Variants in MMP16 observed in about 807,000 individuals in gnomAD.
MMP16 encodes matrix metallopeptidase 16.
Under a neutral mutation model 67.8 loss-of-function variants are expected in MMP16, and 12 were observed. The ratio of observed to expected loss-of-function variants is 0.18; its 90% CI spans 0.11 to 0.29. The LOEUF is 0.29. Ranked by LOEUF, MMP16 falls within the 10% of genes least tolerant of loss-of-function variation. MMP16 has a pLI of 1.00. For missense variants in MMP16, 475 were observed against 765.7 expected (o/e 0.62, Z 4.48); for synonymous variants, 249 against 255.9 (o/e 0.97, Z 0.26).
At chr8:88,278,341 T>C (rs1214056638) in intron 1 of MMP16, among the ~76,000 whole-genome samples, 1 of 152,192 alleles carries the variant, frequency 6.6e-6, no homozygotes, top group Non-Finnish European at 1.5e-5. Context: ...AGTAATAAAC[T>C]GCTATACTGG....
intron 1 of MMP16, among the ~76,000 whole-genome samples, chr8:88,299,722 A>G (rs1283588048): frequency 6.6e-6 from 1 of 152,190 alleles, no homozygotes; most frequent in South Asian, 2.1e-4. Context: ...CATTTAGTCA[A>G]TTGTATCTCA....
At chr8:88,208,608 G>A (rs1218539881) in intron 1 of MMP16, among the ~76,000 whole-genome samples, 2 of 152,122 alleles carry the variant, frequency 1.3e-5, no homozygotes, top group East Asian at 1.9e-4. Context: ...GATTGCCAGT[G>A]CTATTGAACA....
chr8:88,139,692 TATA>T (rs769397499), intron 4 of MMP16, among the ~76,000 whole-genome samples: 8 of 152,222 alleles, frequency 5.3e-5, no homozygotes, highest in African/African-American at 1.2e-4. Flanking sequence ...ACTGAATAAA[TATA>T]ATGTTAATGT....
chr8:88,263,731 T>C (rs61160643), intron 1 of MMP16, among the ~76,000 whole-genome samples: 15,922 of 152,128 alleles, frequency 0.1, 1,007 homozygotes, highest in South Asian at 0.18. Flanking sequence ...AGGCTCACCC[T>C]AATCACTTAA....
intron 1 of MMP16, among the ~76,000 whole-genome samples, chr8:88,199,794 T>G (rs1428566985): frequency 1.3e-5 from 2 of 152,026 alleles, no homozygotes; most frequent in Non-Finnish European, 2.9e-5. Flanking sequence ...ATGTTTTTAT[T>G]TGAAGTATAT....
chr8:88,304,287 T>C (rs1422758676), intron 1 of MMP16, among the ~76,000 whole-genome samples: 3 of 152,134 alleles, frequency 2.0e-5, no homozygotes, highest in South Asian at 2.1e-4. Flanking sequence ...CTGAGAAATA[T>C]AGGATTATGT....
rs1159422405 is a variant in MMP16, at chr8:88,035,226, TTTAA to T, written c.*6231_*6234del. The stretch of plus-strand genomic sequence containing the variant: ...ACATAAGTATATTTCCGTATTTATA[TTTAA>T]TTGATTCTTATCCCTTTTTAAGGGC... On this transcript the variant is annotated 3_prime_UTR_variant, in exon 10 of 10. Coordinates refer to ENST00000286614, the MANE Select transcript of MMP16 (RefSeq NM_005941.5). The surrounding 1 kb of genome is among the most constrained non-coding windows in gnomAD (Gnocchi z 4.7). 6.6e-6 allele frequency: 1 copy of T among 152,112 alleles called. No individual in the cohort carries two copies. The highest frequency in any genetic ancestry group is 1.5e-5 in the Non-Finnish European group (1 of 67,966). 9.4% of individuals were successfully genotyped at this position (152,112 alleles called of 1,614,324 possible).
At chr8:88,084,945 T>A (rs572084015) in intron 6 of MMP16, among the ~76,000 whole-genome samples, 1 of 152,062 alleles carries the variant, frequency 6.6e-6, no homozygotes, top group South Asian at 2.1e-4. Flanking sequence ...GCAACCAACA[T>A]CTTTGTTCAT....
At chr8:88,304,693 A>T (rs1156763475) in intron 1 of MMP16, among the ~76,000 whole-genome samples, 1 of 152,244 alleles carries the variant, frequency 6.6e-6, no homozygotes, top group Non-Finnish European at 1.5e-5. Context: ...TATCAAGCCA[A>T]ACTAAGCTTC....
chr8:88,139,163 T>C (rs986542110), intron 4 of MMP16, among the ~76,000 whole-genome samples: 1 of 152,148 alleles, frequency 6.6e-6, no homozygotes, highest in Non-Finnish European at 1.5e-5. Context: ...GAAAAATTAC[T>C]ACACATTCTC....
At position 88,159,305 on chromosome 8, in the gene MMP16, A is replaced by G. The variant is rs938139753; in HGVS notation, c.709+8364T>C. 3.3e-5 allele frequency among the ~76,000 whole-genome samples: 5 copies of G among 152,160 alleles called. No homozygotes were observed. In the East Asian group the frequency reaches 7.7e-4, roughly 23 times the overall value. On this transcript the variant is annotated intron_variant, in intron 4 of 9. Transcript: ENST00000286614. ...GATTCTTCCTATCCATGGGCATGGAAAGTTCTTCCATTTGTTTGTGTCCTC... is the reference window on the plus strand; with the variant it reads ...GATTCTTCCTATCCATGGGCATGGAGAGTTCTTCCATTTGTTTGTGTCCTC...
chr8:88,042,251 A>T (rs1022572727), intron 9 of MMP16, among the ~76,000 whole-genome samples: 1 of 152,196 alleles, frequency 6.6e-6, no homozygotes, highest in African/African-American at 2.4e-5. Flanking sequence ...AATATATGAT[A>T]AAGTCGCTTC....
At position 88,050,602 on chromosome 8, in the gene MMP16, T is replaced by C. The variant is rs118181829; in HGVS notation, c.1374-3818A>G. ...TAATGTCCTAACCATAGATTTAGTATGAATTGTCACTCAATTTAAGCAATG... is the reference window on the plus strand; with the variant it reads ...TAATGTCCTAACCATAGATTTAGTACGAATTGTCACTCAATTTAAGCAATG... On this transcript the variant is annotated intron_variant, in intron 8 of 9. Coordinates refer to ENST00000286614, the MANE Select transcript of MMP16 (RefSeq NM_005941.5). 3.6e-3 allele frequency among the ~76,000 whole-genome samples: 542 copies of C among 152,358 alleles called. 5 individuals are homozygous for C. Among genetic ancestry groups the C allele is most frequent in the Non-Finnish European group, 4.8e-3 (328 of 68,034 alleles).
chr8:88,267,486 G>A (rs1810493494), intron 1 of MMP16, among the ~76,000 whole-genome samples: 1 of 152,180 alleles, frequency 6.6e-6, no homozygotes, highest in African/African-American at 2.4e-5. Context: ...ACAGCAGACT[G>A]TGAATTTCTG....
intron 1 of MMP16, among the ~76,000 whole-genome samples, chr8:88,242,001 T>C (rs1353843286): frequency 6.6e-6 from 1 of 152,140 alleles, no homozygotes; most frequent in Admixed American, 6.5e-5. Context: ...CTAAATTTTC[T>C]TGGAACAACT....
intron 1 of MMP16, among the ~76,000 whole-genome samples, chr8:88,211,808 T>C (rs1377530729): frequency 1.3e-5 from 2 of 152,204 alleles, no homozygotes; most frequent in Non-Finnish European, 2.9e-5. Flanking sequence ...ATTTCCTTTA[T>C]TTAACTTCCC....
chr8:88,251,343 T>C (rs986556959), intron 1 of MMP16, among the ~76,000 whole-genome samples: 6 of 150,980 alleles, frequency 4.0e-5, no homozygotes, highest in Non-Finnish European at 8.8e-5. Flanking sequence ...ATGCCGCATA[T>C]CTACAACTAT....
intron 4 of MMP16, among the ~76,000 whole-genome samples, chr8:88,156,105 T>C (rs55976829): frequency 0.13 from 19,936 of 152,150 alleles, 1,530 homozygotes; most frequent in East Asian, 0.2. Flanking sequence ...CTTGATTTTA[T>C]TAATTGTTTT....
chr8:88,226,017 G>T (rs1308820990), intron 1 of MMP16, among the ~76,000 whole-genome samples: 3 of 151,734 alleles, frequency 2.0e-5, no homozygotes, highest in Non-Finnish European at 4.4e-5. Flanking sequence ...TCACTTTTGA[G>T]AAAAATTTCA....
Sources: gnomAD v4.1 joint callset for allele counts (sites outside exome capture counted in the v4.1 genomes callset) on GRCh38, gnomAD v4.1.1 for gene constraint, Gnocchi (gnomAD v3.1) non-coding constraint, MANE v1.5 for transcripts, NCBI Gene and HGNC (gene_info 2026-07-23, HGNC 2026-07-21) for gene names.